The following SPOP variants were observed in gnomAD, a reference collection of about 807,000 sequenced individuals.
The protein encoded by SPOP is speckle type BTB/POZ protein.
SPOP carries 11 observed loss-of-function variants against 45.6 expected under a neutral mutation model. The observed-to-expected ratio is 0.24, with a 90% CI of 0.15 to 0.40. SPOP has a LOEUF of 0.40. Ranked by LOEUF, SPOP falls within the 10% of genes least tolerant of loss-of-function variation. The pLI is 1.00. For synonymous variants in SPOP, 166 were observed against 166.3 expected (o/e 1.00, Z 0.01); for missense variants, 152 against 465.6 (o/e 0.33, Z 6.20).
intron 1 of SPOP, among the ~76,000 whole-genome samples, chr17:49,627,119 G>A (rs959937069): frequency 3.3e-5 from 5 of 152,180 alleles, no homozygotes; most frequent in African/African-American, 1.2e-4. Flanking sequence ...AAAGTGCTGG[G>A]ATTACAGGCA....
chr17:49,669,922 A>G (rs1421947276), intron 1 of SPOP, among the ~76,000 whole-genome samples: 1 of 152,080 alleles, frequency 6.6e-6, no homozygotes, highest in African/African-American at 2.4e-5. Flanking sequence ...TCACACATAC[A>G]TTTTTCCTCT....
At chr17:49,657,519 C>T (rs2072929286) in intron 1 of SPOP, among the ~76,000 whole-genome samples, 1 of 151,542 alleles carries the variant, frequency 6.6e-6, no homozygotes, top group South Asian at 2.1e-4. Flanking sequence ...CTGCCTCGGC[C>T]TCTCGAGTAG....
chr17:49,670,088 C>T (rs1235921557), intron 1 of SPOP, among the ~76,000 whole-genome samples: 1 of 152,112 alleles, frequency 6.6e-6, no homozygotes, highest in Non-Finnish European at 1.5e-5. Context: ...TGGTTAATTC[C>T]CTAAGGTCTA....
chr17:49,631,381 G>A (rs772098837), intron 1 of SPOP, among the ~76,000 whole-genome samples: 6 of 152,106 alleles, frequency 3.9e-5, no homozygotes, highest in South Asian at 2.1e-4. Flanking sequence ...AGGGATGCTG[G>A]TTACTCCCAT....
intron 7 of SPOP, 57 bp from the exon 8 acceptor site, chr17:49,607,429 A>G (rs2071874154): frequency 1.3e-6 from 2 of 1,574,246 alleles, no homozygotes. Flanking sequence ...TCCCTAAACT[A>G]AACTATTTTC....
rs752320964 is a variant in SPOP at position 49,619,038 on chromosome 17, A to G, written c.423T>C (p.Phe141=). The change falls in exon 5 of 10, where the codon TTT becomes TTC. Residue 141 remains phenylalanine, a synonymous_variant. Transcript: ENST00000504102. This position sits in a 1 kb window ranked among gnomAD's most constrained non-coding sequence, Gnocchi z 4.9. ...GAAGCCCGTTGGCCTCATCCAAAAGAAAATCTCTACGGATGAATTTCTTGA... is the reference window on the plus strand; with the variant it reads ...GAAGCCCGTTGGCCTCATCCAAAAGGAAATCTCTACGGATGAATTTCTTGA... ...WGFKKFIRRD[F]LLDEANGLLP... 5 of 1,614,184 alleles carry G rather than the reference A, an allele frequency of 3.1e-6. No homozygotes were observed. The highest frequency in any genetic ancestry group is 3.4e-6 in the Non-Finnish European group (4 of 1,180,038).
At chr17:49,676,296 G>C (rs1403460487) in intron 1 of SPOP, among the ~76,000 whole-genome samples, 1 of 152,136 alleles carries the variant, frequency 6.6e-6, no homozygotes, top group African/African-American at 2.4e-5. Context: ...AAAAAGGTGA[G>C]TTTCCAGCTC....
chr17:49,637,033 G>A (rs1462402078), intron 1 of SPOP, among the ~76,000 whole-genome samples: 2 of 152,108 alleles, frequency 1.3e-5, no homozygotes, highest in Admixed American at 6.6e-5. Flanking sequence ...GCATCATGGT[G>A]AAATCCTGCC....
At chr17:49,621,324 C>T (rs1473614367) in intron 3 of SPOP, among the ~76,000 whole-genome samples, 1 of 152,180 alleles carries the variant, frequency 6.6e-6, no homozygotes, top group Admixed American at 6.5e-5. Context: ...CAAGAGAAGC[C>T]AGACCTGAGA....
chr17:49,644,825 A>G (rs1225846485), intron 1 of SPOP, among the ~76,000 whole-genome samples: 1 of 152,174 alleles, frequency 6.6e-6, no homozygotes, highest in Non-Finnish European at 1.5e-5. Context: ...TCATACATAC[A>G]CACATACATA....
At chr17:49,649,737 G>A (rs952842972) in intron 1 of SPOP, among the ~76,000 whole-genome samples, 8 of 151,502 alleles carry the variant, frequency 5.3e-5, no homozygotes, top group Non-Finnish European at 7.4e-5. Context: ...GCTGAGGCAG[G>A]AGAATAGCGT....
rs529429909 is a variant in SPOP, at chr17:49,647,746, G to C, written c.-66-24870C>G. On this transcript the variant is annotated intron_variant, in intron 1 of 9. Transcript: ENST00000504102. The stretch of plus-strand genomic sequence containing the variant: ...TTTGCCCACCTTGGCCTCCCAAAGT[G>C]CTAGGATTATAGGTGTGAGCCACTG... Among the ~76,000 whole-genome samples the C allele has an allele frequency of 3.3e-5, 5 of 152,268 alleles. No homozygotes were observed. The East Asian group carries it at 7.7e-4, about 23-fold the overall frequency.
rs59453062 is a variant in SPOP, at chr17:49,660,294, T to C, written c.-67+17639A>G. Reference sequence around the variant, plus strand: ...CATGGTTTTTGCTATTTCTTTTGTCTAGAGTGCTAGTTCTCTCCTGCATCT... The same window carrying C: ...CATGGTTTTTGCTATTTCTTTTGTCCAGAGTGCTAGTTCTCTCCTGCATCT... On this transcript the variant is annotated intron_variant, in intron 1 of 9. Transcript: ENST00000504102. 9.2e-3 allele frequency among the ~76,000 whole-genome samples: 1,404 copies of C among 152,346 alleles called. 21 individuals are homozygous for C. Among genetic ancestry groups the C allele is most frequent in the African/African-American group, 0.032 (1,326 of 41,574 alleles).
chr17:49,604,103 T>C (rs1198962293), intron 8 of SPOP, among the ~76,000 whole-genome samples: 2 of 152,222 alleles, frequency 1.3e-5, no homozygotes, highest in Admixed American at 6.5e-5. Flanking sequence ...AAACACATGA[T>C]GTGTATAAGT....
At chr17:49,635,416 A>T (rs556255187) in intron 1 of SPOP, among the ~76,000 whole-genome samples, 6 of 152,270 alleles carry the variant, frequency 3.9e-5, no homozygotes, top group Non-Finnish European at 8.8e-5. Context: ...ACCCAACATG[A>T]CTCTGACAAA....
At chr17:49,648,587 C>G (rs2072794080) in intron 1 of SPOP, among the ~76,000 whole-genome samples, 1 of 152,204 alleles carries the variant, frequency 6.6e-6, no homozygotes, top group African/African-American at 2.4e-5. Flanking sequence ...ATCCTCTACA[C>G]TGTGGGTGCA....
rs147354449 is a variant in SPOP at position 49,629,325 on chromosome 17, A to G, written c.-66-6449T>C. Among the ~76,000 whole-genome samples, 298 of 152,192 alleles carry G rather than the reference A, an allele frequency of 2.0e-3. 1 individual carries two copies. Among genetic ancestry groups the G allele is most frequent in the African/African-American group, 6.8e-3 (283 of 41,542 alleles). On this transcript the variant is annotated intron_variant, in intron 1 of 9. Coordinates refer to ENST00000504102, the MANE Select transcript of SPOP (RefSeq NM_001007228.2). ...ATTAAGTTTTCTGGTTTTTTTTCAC[A>G]TATCTCTAAAACAGCCCTTTGAACA...
chr17:49,615,905 AATGAAGAAAACAGAACTAAACCTAGCT>A (rs149077441), intron 5 of SPOP, among the ~76,000 whole-genome samples: 5,733 of 152,260 alleles, frequency 0.038, 143 homozygotes, highest in Non-Finnish European at 0.054. Context: ...TGTAACATGA[AATGAAGAAAACAGAACTAAACCTAGCT>A]CAAAGGATTG....
Position 49,659,007 on chromosome 17 carries a change from A to G in SPOP, c.-67+18926T>C, listed in dbSNP as rs188310870. ...GTTAAAATGAGAAAATAAAAAGTGC[A>G]AAAGCCCAAAGGAGGACCTAGCTGG... On this transcript the variant is annotated intron_variant, in intron 1 of 9. Coordinates refer to ENST00000504102, the MANE Select transcript of SPOP (RefSeq NM_001007228.2). Among the ~76,000 whole-genome samples, 164 of 152,304 alleles carry G rather than the reference A, an allele frequency of 1.1e-3. 1 individual carries two copies. Among genetic ancestry groups the G allele is most frequent in the African/African-American group, 3.8e-3 (159 of 41,552 alleles).
Sources: gnomAD v4.1 joint callset for allele counts (sites outside exome capture counted in the v4.1 genomes callset) on GRCh38, gnomAD v4.1.1 for gene constraint, Gnocchi (gnomAD v3.1) non-coding constraint, MANE v1.5 for transcripts, NCBI Gene and HGNC (gene_info 2026-07-23, HGNC 2026-07-21) for gene names.